AIG1: variants seen among roughly 807,000 people sequenced by gnomAD.
AIG1 encodes the protein androgen induced 1, also known as androgen-induced gene 1 protein.
A neutral mutation model predicts 31.4 loss-of-function variants in AIG1; 23 were observed. The observed-to-expected ratio is 0.73, with a 90% CI of 0.53 to 1.04. AIG1 has a LOEUF of 1.04. Among genes scored for constraint, AIG1 ranks in the 50% least tolerant of loss-of-function variants. AIG1 has a pLI of 0.00. For missense variants in AIG1, 274 were observed against 295.0 expected (o/e 0.93, Z 0.52); for synonymous variants, 100 against 110.5 (o/e 0.90, Z 0.60).
chr6:143,341,517 T>C (rs1777854974), downstream of AIG1, among the ~76,000 whole-genome samples: 1 of 152,076 alleles, frequency 6.6e-6, no homozygotes, highest in Admixed American at 6.6e-5. Context: ...ATCTGAGTAG[T>C]ATCTTTGTAA....
intron 3 of AIG1, among the ~76,000 whole-genome samples, chr6:143,167,334 A>G (rs1787064586): frequency 6.6e-6 from 1 of 152,206 alleles, no homozygotes; most frequent in African/African-American, 2.4e-5. Flanking sequence ...AACTCTAATT[A>G]GAGTGTCCAA....
At position 143,325,009 on chromosome 6, in the gene AIG1, A is replaced by G. The variant is rs113190168; in HGVS notation, c.516-8273A>G. 6.6e-6 allele frequency among the ~76,000 whole-genome samples: 1 copy of G among 152,210 alleles called. No individual in the cohort carries two copies. The highest frequency in any genetic ancestry group is 1.5e-5 in the Non-Finnish European group (1 of 68,040). ...TTTTTCAACTGACTATATATCATTT[A>G]TACCCAGTCAACATCCAAAGTAGAT... is the stretch of plus-strand genomic sequence containing the variant. On this transcript the variant is annotated intron_variant, in intron 4 of 5. Transcript: ENST00000357847. This position sits in a 1 kb window ranked among gnomAD's most constrained non-coding sequence, Gnocchi z 4.3.
At chr6:143,238,086 G>A (rs1228074952) in intron 3 of AIG1, among the ~76,000 whole-genome samples, 5 of 152,036 alleles carry the variant, frequency 3.3e-5, no homozygotes, top group African/African-American at 9.7e-5. Context: ...GACTACAGGC[G>A]CCTACCACCA....
intron 1 of AIG1, among the ~76,000 whole-genome samples, chr6:143,063,590 T>C (rs1357903695): frequency 6.6e-6 from 1 of 152,244 alleles, no homozygotes; most frequent in Non-Finnish European, 1.5e-5. Context: ...GCCATTTTAC[T>C]TTTCACTTTT....
intron 4 of AIG1, among the ~76,000 whole-genome samples, chr6:143,302,979 T>C (rs1382988301): frequency 6.6e-6 from 1 of 152,174 alleles, no homozygotes; most frequent in African/African-American, 2.4e-5. Flanking sequence ...TGGCCAGTGA[T>C]GGTGAGCATT....
chr6:143,092,568 G>A (rs1779400793), intron 1 of AIG1, among the ~76,000 whole-genome samples: 1 of 152,162 alleles, frequency 6.6e-6, no homozygotes, highest in Non-Finnish European at 1.5e-5. Flanking sequence ...TTGTCAATGA[G>A]CAGTTATATT....
chr6:143,280,533 A>G lies in AIG1; in HGVS notation c.400-3577A>G, dbSNP rs1387468592. 2.0e-5 allele frequency among the ~76,000 whole-genome samples: 3 copies of G among 152,250 alleles called. No individual in the cohort carries two copies. The highest frequency in any genetic ancestry group is 4.4e-5 in the Non-Finnish European group (3 of 68,038). ...TGGTACCTGTACACCACAGAATACT[A>G]TGCAGCCGTAAAAAAGAGTGAGATC... is the stretch of plus-strand genomic sequence containing the variant. On this transcript the variant is annotated intron_variant, in intron 3 of 5. Coordinates refer to ENST00000357847, the MANE Select transcript of AIG1 (RefSeq NM_016108.4). The surrounding 1 kb of genome is among the most constrained non-coding windows in gnomAD (Gnocchi z 4.1).
chr6:143,239,576 G>T (rs902071303), intron 3 of AIG1, among the ~76,000 whole-genome samples: 2 of 152,172 alleles, frequency 1.3e-5, no homozygotes, highest in Non-Finnish European at 2.9e-5. Context: ...TTCACCACAC[G>T]ATCTTGTTTC....
In AIG1 at chr6:143,332,491, A is replaced by G. The variant is rs184686993; in HGVS notation, c.516-791A>G. Among the ~76,000 whole-genome samples the G allele has an allele frequency of 6.6e-5, 10 of 152,352 alleles. No individual in the cohort carries two copies. In the East Asian group the frequency reaches 1.2e-3, roughly 18 times the overall value. The stretch of plus-strand genomic sequence containing the variant: ...TGGAACACAAAGAGAATGATTAAGT[A>G]AGAATGTAAAATAGGAAAAAAAATG... On this transcript the variant is annotated intron_variant, in intron 4 of 5. Coordinates refer to ENST00000357847, the MANE Select transcript of AIG1 (RefSeq NM_016108.4).
chr6:143,311,346 T>G (rs1775258484), intron 4 of AIG1, among the ~76,000 whole-genome samples: 1 of 151,872 alleles, frequency 6.6e-6, no homozygotes, highest in African/African-American at 2.4e-5. Context: ...TGATCATGCA[T>G]CAAGTATATG....
At chr6:143,072,373 A>ATT (rs1181433723) in intron 1 of AIG1, among the ~76,000 whole-genome samples, 1 of 152,060 alleles carries the variant, frequency 6.6e-6, no homozygotes, top group African/African-American at 2.4e-5. Context: ...TCACCTGTTA[A>ATT]TAGAGACATT....
chr6:143,221,778 C>G (rs1489788342), intron 3 of AIG1, among the ~76,000 whole-genome samples: 2 of 152,152 alleles, frequency 1.3e-5, no homozygotes, highest in African/African-American at 4.8e-5. Context: ...AACGTGCTTA[C>G]AGCAGTGCCT....
At chr6:143,164,875 G>A (rs750865695) in intron 2 of AIG1, 23 of 433,034 alleles carry the variant, frequency 5.3e-5, no homozygotes, top group Non-Finnish European at 7.9e-5. Context: ...AACACCATTC[G>A]GAGATCAGAG....
intron 1 of AIG1, among the ~76,000 whole-genome samples, chr6:143,068,614 G>A (rs1289041540): frequency 6.6e-6 from 1 of 152,164 alleles, no homozygotes; most frequent in Non-Finnish European, 1.5e-5. Flanking sequence ...AATTTCAAAA[G>A]CGATACATAC....
chr6:143,159,295 A>G (rs1786098290), intron 2 of AIG1, among the ~76,000 whole-genome samples: 2 of 152,376 alleles, frequency 1.3e-5, no homozygotes, highest in South Asian at 4.1e-4. Flanking sequence ...GAGAGAAAGG[A>G]AGGAACCAAA....
intron 4 of AIG1, among the ~76,000 whole-genome samples, chr6:143,306,740 G>T (rs1263684419): frequency 6.6e-6 from 1 of 152,040 alleles, no homozygotes; most frequent in African/African-American, 2.4e-5. Flanking sequence ...GAATCTGAAC[G>T]TTGGCCTGCC....
At chr6:143,148,789 G>T (rs1020332891) in intron 2 of AIG1, among the ~76,000 whole-genome samples, 5 of 151,778 alleles carry the variant, frequency 3.3e-5, no homozygotes, top group Admixed American at 2.0e-4. Flanking sequence ...CTGCATTCCA[G>T]CCTGGGCAAC....
intron 3 of AIG1, among the ~76,000 whole-genome samples, chr6:143,232,353 G>A (rs1338631266): frequency 6.6e-6 from 1 of 152,120 alleles, no homozygotes; most frequent in African/African-American, 2.4e-5. Context: ...CTGGCATGTG[G>A]ACACCCTGAG....
At chr6:143,294,840 C>A (rs1798311490) in intron 4 of AIG1, among the ~76,000 whole-genome samples, 1 of 152,148 alleles carries the variant, frequency 6.6e-6, no homozygotes, top group South Asian at 2.1e-4. Context: ...CTCTCAGCCT[C>A]ATTTGCTGGC....
Sources: gnomAD v4.1 joint callset for allele counts (sites outside exome capture counted in the v4.1 genomes callset) on GRCh38, gnomAD v4.1.1 for gene constraint, Gnocchi (gnomAD v3.1) non-coding constraint, MANE v1.5 for transcripts, NCBI Gene and HGNC (gene_info 2026-07-23, HGNC 2026-07-21) for gene names.